The following LRMDA variants were observed in gnomAD, a reference collection of about 807,000 sequenced individuals.
LRMDA encodes the protein leucine-rich melanocyte differentiation-associated protein.
Under a neutral mutation model 29.8 loss-of-function variants are expected in LRMDA, and 18 were observed. That is an observed-to-expected ratio of 0.60 (90% CI 0.42 to 0.90). The LOEUF (loss-of-function observed/expected upper bound fraction) is 0.90, where lower values mean the gene tolerates loss of function less well. Ranked by LOEUF, LRMDA falls within the 40% of genes least tolerant of loss-of-function variation. LRMDA has a pLI of 0.00. For missense variants in LRMDA, 273 were observed against 273.9 expected, an observed-to-expected ratio of 1.00 and a Z score of 0.02; for synonymous variants, 125 against 109.4, an observed-to-expected ratio of 1.14 and a Z score of -0.89.
At position 75,948,943 on chromosome 10, in the gene LRMDA, AG is replaced by A. The variant is rs373420720; in HGVS notation, c.132-87064del. ...AATCCATTGGTTTTTCAGTAACACA[AG>A]CATAAGACTGGCTTTGAGAACCCTG... On this transcript the variant is annotated intron_variant, in intron 2 of 6. Coordinates refer to ENST00000611255, the MANE Select transcript of LRMDA (RefSeq NM_001305581.2). Among the ~76,000 whole-genome samples the A allele has an allele frequency of 2.7e-3, 412 of 152,016 alleles. 2 individuals carry two copies. Among genetic ancestry groups the A allele is most frequent in the African/African-American group, 9.5e-3 (394 of 41,474 alleles).
chr10:75,847,267 C>G (rs938332469), intron 2 of LRMDA, among the ~76,000 whole-genome samples: 1 of 152,140 alleles, frequency 6.6e-6, no homozygotes, highest in African/African-American at 2.4e-5. Context: ...AGGACAGTCT[C>G]TTCAACAAAT....
At chr10:75,871,508 G>T (rs1017360199) in intron 2 of LRMDA, among the ~76,000 whole-genome samples, 2 of 152,132 alleles carry the variant, frequency 1.3e-5, no homozygotes, top group Non-Finnish European at 2.9e-5. Context: ...ACTGGAGGAG[G>T]AGTCATGCCC....
chr10:75,746,937 G>C (rs936092520), intron 2 of LRMDA, among the ~76,000 whole-genome samples: 9 of 152,126 alleles, frequency 5.9e-5, no homozygotes, highest in African/African-American at 2.2e-4. Flanking sequence ...GATCTTATTG[G>C]GGTAATTCCT....
chr10:75,874,215 C>A (rs1845159689), intron 2 of LRMDA, among the ~76,000 whole-genome samples: 1 of 152,174 alleles, frequency 6.6e-6, no homozygotes, highest in Non-Finnish European at 1.5e-5. Context: ...GAAGGGGCTT[C>A]AAGCTCATTT....
At chr10:75,499,285 T>G (rs992720150) in intron 2 of LRMDA, among the ~76,000 whole-genome samples, 1 of 152,196 alleles carries the variant, frequency 6.6e-6, no homozygotes, top group African/African-American at 2.4e-5. Context: ...CCTTGCCTAG[T>G]CCGTGGAATT....
At chr10:75,487,100 A>G (rs1471069692) in intron 2 of LRMDA, among the ~76,000 whole-genome samples, 5 of 152,362 alleles carry the variant, frequency 3.3e-5, no homozygotes, top group South Asian at 2.1e-4. Context: ...AACACTGTTG[A>G]TAAATCAAAT....
At chr10:76,413,602 G>C (rs1222774545) in intron 6 of LRMDA, among the ~76,000 whole-genome samples, 1 of 152,128 alleles carries the variant, frequency 6.6e-6, no homozygotes, top group Non-Finnish European at 1.5e-5. Context: ...GGGAGTTACA[G>C]TTCAAGATGA....
chr10:75,523,327 A>G (rs1364641945), intron 2 of LRMDA, among the ~76,000 whole-genome samples: 3 of 152,126 alleles, frequency 2.0e-5, no homozygotes, highest in African/African-American at 7.2e-5. Flanking sequence ...TCCCATAACT[A>G]CATGGTGGCT....
intron 2 of LRMDA, among the ~76,000 whole-genome samples, chr10:75,470,644 G>A (rs760077344): frequency 6.6e-6 from 1 of 152,194 alleles, no homozygotes; most frequent in African/African-American, 2.4e-5. Flanking sequence ...TGGCTGTGGC[G>A]TGGATGATGC....
At chr10:75,819,054 C>G (rs1783005671) in intron 2 of LRMDA, among the ~76,000 whole-genome samples, 1 of 152,138 alleles carries the variant, frequency 6.6e-6, no homozygotes. Context: ...TTAGAAAATG[C>G]TTTTAAAAAG....
intron 3 of LRMDA, among the ~76,000 whole-genome samples, chr10:76,040,470 C>A (rs1270381603): frequency 6.6e-6 from 1 of 152,102 alleles, no homozygotes; most frequent in Admixed American, 6.5e-5. Flanking sequence ...TACCTCATCT[C>A]TTGGTTCGTA....
At chr10:75,561,370 C>G (rs930726885) in intron 2 of LRMDA, among the ~76,000 whole-genome samples, 2 of 147,702 alleles carry the variant, frequency 1.4e-5, no homozygotes, top group Non-Finnish European at 3.0e-5. Context: ...TCTGTGGGAT[C>G]AATGGTGATA....
chr10:75,724,979 G>A (rs1286484122), intron 2 of LRMDA, among the ~76,000 whole-genome samples: 1 of 152,164 alleles, frequency 6.6e-6, no homozygotes, highest in Non-Finnish European at 1.5e-5. Context: ...GAATGAAAAA[G>A]CTACTCCTGT....
At chr10:76,267,410 C>G (rs1042880834) in intron 5 of LRMDA, among the ~76,000 whole-genome samples, 14 of 152,204 alleles carry the variant, frequency 9.2e-5, no homozygotes, top group African/African-American at 3.4e-4. Context: ...GCGACCATCA[C>G]AACTATTTAT....
At chr10:75,781,662 G>A (rs1321797793) in intron 2 of LRMDA, among the ~76,000 whole-genome samples, 2 of 152,128 alleles carry the variant, frequency 1.3e-5, no homozygotes, top group African/African-American at 4.8e-5. Flanking sequence ...TGGATGATTC[G>A]ATTCACATGC....
intron 6 of LRMDA, among the ~76,000 whole-genome samples, chr10:76,553,176 C>G (rs1003211965): frequency 1.3e-5 from 2 of 152,146 alleles, no homozygotes; most frequent in Non-Finnish European, 2.9e-5. Context: ...CAGGGTCTTT[C>G]GAAAAGAAAC....
chr10:76,100,495 G>A (rs1205837312), intron 5 of LRMDA, among the ~76,000 whole-genome samples: 1 of 152,116 alleles, frequency 6.6e-6, no homozygotes, highest in Non-Finnish European at 1.5e-5. Context: ...GCAGGTCGGA[G>A]ATTCCAGGGA....
chr10:75,935,963 C>T (rs1458158801), intron 2 of LRMDA, among the ~76,000 whole-genome samples: 1 of 152,170 alleles, frequency 6.6e-6, no homozygotes, highest in Non-Finnish European at 1.5e-5. Flanking sequence ...GCTCTGATCT[C>T]AGGACTGCAG....
chr10:76,014,215 C>CAT, intron 2 of LRMDA, among the ~76,000 whole-genome samples: 1 of 143,654 alleles, frequency 7.0e-6, no homozygotes, highest in Non-Finnish European at 1.5e-5. Flanking sequence ...TTGTCTATGA[C>CAT]TGCTTCTACA....
Sources: gnomAD v4.1 joint callset for allele counts (sites outside exome capture counted in the v4.1 genomes callset) on GRCh38, gnomAD v4.1.1 for gene constraint, MANE v1.5 for transcripts, NCBI Gene and HGNC (gene_info 2026-07-23, HGNC 2026-07-21) for gene names.